The following CLEC2L variants were observed in gnomAD, a reference collection of about 807,000 sequenced individuals.
The protein encoded by CLEC2L is C-type lectin domain family 2 member L.
A neutral mutation model predicts 23.6 loss-of-function variants in CLEC2L; 14 were observed. That is an observed-to-expected ratio of 0.59 (90% CI 0.39 to 0.93). CLEC2L has a LOEUF of 0.93. Among genes scored for constraint, CLEC2L ranks in the 40% least tolerant of loss-of-function variants. The pLI, the probability that CLEC2L is intolerant of heterozygous loss-of-function variation, is 0.00. For synonymous variants in CLEC2L, 114 were observed against 121.3 expected, an observed-to-expected ratio of 0.94 and a Z score of 0.40; for missense variants, 264 against 282.4, an observed-to-expected ratio of 0.93 and a Z score of 0.47.
At chr7:139,536,229 G>A (rs547511360) in intron 1 of CLEC2L, 45 bp from the exon 2 acceptor site, 9 of 1,463,350 alleles carry the variant, frequency 6.2e-6, no homozygotes, top group Admixed American at 4.0e-5. Context: ...TGGGACTGGC[G>A]GTGGGATGGG....
chr7:139,535,508 A>G (rs1797640068), intron 1 of CLEC2L, among the ~76,000 whole-genome samples: 1 of 152,246 alleles, frequency 6.6e-6, no homozygotes. Context: ...AAAATGGTTA[A>G]AATTGCAAAT....
At chr7:139,538,437 A>AAAC (rs1236598800) in intron 2 of CLEC2L, among the ~76,000 whole-genome samples, 3 of 150,278 alleles carry the variant, frequency 2.0e-5, no homozygotes, top group African/African-American at 7.4e-5. Flanking sequence ...TCTCAAAAAA[A>AAAC]AAAAAACAAA....
chr7:139,534,857 G>A (rs116812975), intron 1 of CLEC2L, among the ~76,000 whole-genome samples: 3,425 of 150,040 alleles, frequency 0.023, 118 homozygotes, highest in African/African-American at 0.079. Flanking sequence ...GCTTTATAAC[G>A]TTCACTGTAG....
intron 1 of CLEC2L, among the ~76,000 whole-genome samples, chr7:139,531,647 G>T (rs1797583722): frequency 6.6e-6 from 1 of 152,168 alleles, no homozygotes; most frequent in African/African-American, 2.4e-5. Flanking sequence ...GGTGGCTCAT[G>T]CCTGTAATCC....
rs740529 is a variant in CLEC2L at position 139,524,241 on chromosome 7, C to T, written c.190+124C>T. 895 of 949,682 alleles carry T rather than the reference C, an allele frequency of 9.4e-4. 3 individuals are homozygous for T. The African/African-American group carries it at 9.9e-3, about 11-fold the overall frequency. 58.8% of individuals were successfully genotyped at this position (949,682 alleles called of 1,614,324 possible). A position where few individuals can be genotyped will look rare whatever the true frequency, so the allele number is the denominator to read the frequency against. On this transcript the variant is annotated intron_variant, in intron 1 of 4. Coordinates refer to ENST00000422142, the MANE Select transcript of CLEC2L (RefSeq NM_001080511.4). ...GAGGGGAGCGCTGGGAGCGCGGCGC[C>T]GGGACGCGGCGGAGTCATTCATTTC...
At chr7:139,531,084 C>T (rs1797575954) in intron 1 of CLEC2L, among the ~76,000 whole-genome samples, 1 of 152,170 alleles carries the variant, frequency 6.6e-6, no homozygotes, top group Admixed American at 6.5e-5. Flanking sequence ...GTTAATAAGC[C>T]CCTATCTATG....
rs2116324547 is a variant in CLEC2L at position 139,540,059 on chromosome 7, G to A, written c.266-262G>A. On this transcript the variant is annotated intron_variant, in intron 2 of 4. Transcript: ENST00000422142. The surrounding 1 kb of genome is among the most constrained non-coding windows in gnomAD (Gnocchi z 5.8). ...TTTCTGGCGTTCCATGCCTCTGGGA[G>A]TTTGGAGACAGAGGAGATCCTAACC... 1 of 455,558 alleles carries A rather than the reference G, an allele frequency of 2.2e-6. No homozygotes were observed. Among genetic ancestry groups the A allele is most frequent in the African/African-American group, 2.0e-5 (1 of 50,790 alleles). 28.2% of individuals were successfully genotyped at this position (455,558 alleles called of 1,614,324 possible).
intron 1 of CLEC2L, among the ~76,000 whole-genome samples, chr7:139,526,449 C>T (rs1294083678): frequency 1.3e-5 from 2 of 152,138 alleles, no homozygotes; most frequent in African/African-American, 4.8e-5. Context: ...TGCTCCTCTC[C>T]AGGGTGCTGC....
chr7:139,528,847 G>A (rs751755226), intron 1 of CLEC2L, among the ~76,000 whole-genome samples: 26 of 152,184 alleles, frequency 1.7e-4, no homozygotes, highest in Admixed American at 4.6e-4. Context: ...GAGGAAGCAT[G>A]GTCCAGTGCA....
At chr7:139,544,095 C>CA (rs1797774377) in intron 4 of CLEC2L, 136 bp from the exon 5 acceptor site, 2 of 649,006 alleles carry the variant, frequency 3.1e-6, no homozygotes, top group Non-Finnish European at 5.5e-6. Flanking sequence ...TCTGTTGGCC[C>CA]AAATGTCCTA....
At chr7:139,533,046 T>C (rs528098615) in intron 1 of CLEC2L, among the ~76,000 whole-genome samples, 1 of 152,252 alleles carries the variant, frequency 6.6e-6, no homozygotes, top group East Asian at 1.9e-4. Flanking sequence ...TCTATGGAAA[T>C]GATCATAGCA....
intron 1 of CLEC2L, 33 bp downstream of exon 1, chr7:139,524,150 A>T: frequency 1.7e-6 from 2 of 1,200,940 alleles, no homozygotes; most frequent in Non-Finnish European, 2.1e-6. Context: ...CTCCTGGCCC[A>T]GGGACCCCTG....
intron 1 of CLEC2L, among the ~76,000 whole-genome samples, chr7:139,527,970 A>G (rs1797528837): frequency 6.6e-6 from 1 of 152,194 alleles, no homozygotes; most frequent in African/African-American, 2.4e-5. Context: ...GAGTGTGAGG[A>G]TGATGGGAGC....
intron 1 of CLEC2L, among the ~76,000 whole-genome samples, chr7:139,535,179 C>T (rs924602538): frequency 8.5e-5 from 13 of 152,162 alleles, no homozygotes; most frequent in African/African-American, 2.9e-4. Context: ...TCTTGCTATA[C>T]GATGGAACAT....
At chr7:139,526,976 C>A (rs1394547377) in intron 1 of CLEC2L, among the ~76,000 whole-genome samples, 1 of 152,228 alleles carries the variant, frequency 6.6e-6, no homozygotes, top group East Asian at 1.9e-4. Context: ...CCCTGCTTAG[C>A]CAAGCACTTG....
Position 139,540,209 on chromosome 7 carries a change from C to T in CLEC2L, c.266-112C>T. On this transcript the variant is annotated intron_variant, in intron 2 of 4. Transcript: ENST00000422142. The surrounding 1 kb of genome is among the most constrained non-coding windows in gnomAD (Gnocchi z 5.8). Reference sequence around the variant, plus strand: ...AGGCACCAGGAGAGGACAGCCACATCTGCAGTGTCCCTGCAGGACGCCAAA... The same window carrying T: ...AGGCACCAGGAGAGGACAGCCACATTTGCAGTGTCCCTGCAGGACGCCAAA... 1 of 1,058,702 alleles carries T rather than the reference C, an allele frequency of 9.4e-7. No individual in the cohort carries two copies. The highest frequency in any genetic ancestry group is 1.4e-6 in the Non-Finnish European group (1 of 732,338). 65.6% of individuals were successfully genotyped at this position (1,058,702 alleles called of 1,614,324 possible).
chr7:139,534,561 T>C (rs1346964044), intron 1 of CLEC2L: 1 of 752,532 alleles, frequency 1.3e-6, no homozygotes, highest in Non-Finnish European at 2.4e-6. Flanking sequence ...AATAATTGTA[T>C]TGGAAGCATT....
At chr7:139,534,274 A>AGGT (rs1797621647) in intron 1 of CLEC2L, 1 of 1,456,984 alleles carries the variant, frequency 6.9e-7, no homozygotes, top group East Asian at 2.3e-5. Flanking sequence ...ACAGACTACC[A>AGGT]AGAGGCCAGA....
intron 1 of CLEC2L, among the ~76,000 whole-genome samples, chr7:139,534,754 CT>C (rs139338322): frequency 3.3e-5 from 5 of 150,526 alleles, no homozygotes; most frequent in Non-Finnish European, 4.4e-5. Flanking sequence ...TCTTTTCTTC[CT>C]TTTTTTTTAC....
Sources: gnomAD v4.1 joint callset for allele counts (sites outside exome capture counted in the v4.1 genomes callset) on GRCh38, gnomAD v4.1.1 for gene constraint, Gnocchi (gnomAD v3.1) non-coding constraint, MANE v1.5 for transcripts, NCBI Gene and HGNC (gene_info 2026-07-23, HGNC 2026-07-21) for gene names.